RSU1: variants seen among roughly 807,000 people sequenced by gnomAD.
RSU1 encodes the protein rsu-1.
RSU1 carries 26 observed loss-of-function variants against 31.1 expected under a neutral mutation model. The observed-to-expected ratio is 0.84, with a 90% CI of 0.61 to 1.16. RSU1 has a LOEUF of 1.16. RSU1 is among the 50% of genes most tolerant of loss of function. The pLI, the probability that RSU1 is intolerant of heterozygous loss-of-function variation, is 0.00. For missense variants in RSU1, 320 were observed against 339.1 expected (o/e 0.94, Z 0.44); for synonymous variants, 164 against 136.3 (o/e 1.20, Z -1.41).
Position 16,799,306 on chromosome 10 carries a change from A to G in RSU1, c.110-17222T>C, listed in dbSNP as rs139161038. ...GAAGAAAGCTGAGCAAACAGAAAAC[A>G]AACAACTCTTCCATAGATTCATTAG... On this transcript the variant is annotated intron_variant, in intron 2 of 8. Coordinates refer to ENST00000345264, the MANE Select transcript of RSU1 (RefSeq NM_012425.4). Among the ~76,000 whole-genome samples, 261 of 152,366 alleles carry G rather than the reference A, an allele frequency of 1.7e-3. 2 individuals carry two copies. Among genetic ancestry groups the G allele is most frequent in the Admixed American group, 0.014 (211 of 15,308 alleles).
intron 8 of RSU1, among the ~76,000 whole-genome samples, chr10:16,651,820 ATAAC>A (rs1323622118): frequency 2.6e-5 from 4 of 152,242 alleles, no homozygotes; most frequent in African/African-American, 9.6e-5. Context: ...AAAATAACAA[ATAAC>A]TGACTTAAAA....
At chr10:16,597,452 T>G (rs1011414945) in intron 8 of RSU1, among the ~76,000 whole-genome samples, 6 of 152,146 alleles carry the variant, frequency 3.9e-5, no homozygotes, top group African/African-American at 1.2e-4. Context: ...CAAATCCTGC[T>G]TTTGACGTTT....
chr10:16,658,224 T>C (rs998875064), intron 8 of RSU1, among the ~76,000 whole-genome samples: 1 of 152,180 alleles, frequency 6.6e-6, no homozygotes, highest in East Asian at 1.9e-4. Flanking sequence ...GCAATAGAAA[T>C]AAAAGCAGAA....
intron 7 of RSU1, among the ~76,000 whole-genome samples, chr10:16,714,457 G>A (rs906249400): frequency 1.2e-4 from 18 of 152,334 alleles, no homozygotes; most frequent in East Asian, 3.9e-4. Flanking sequence ...ATGCGGGAAC[G>A]AGGCTGCCAC....
At chr10:16,783,121 G>A (rs1444696826) in intron 2 of RSU1, among the ~76,000 whole-genome samples, 2 of 151,890 alleles carry the variant, frequency 1.3e-5, no homozygotes, top group Admixed American at 1.3e-4. Context: ...ATTTTGCCCA[G>A]GGTGGTCTCA....
intron 2 of RSU1, among the ~76,000 whole-genome samples, chr10:16,814,614 G>C (rs1838488231): frequency 1.3e-5 from 2 of 152,140 alleles, no homozygotes; most frequent in African/African-American, 4.8e-5. Context: ...AACCCCCTAG[G>C]CTCCGAGAAG....
At chr10:16,635,273 A>G (rs1187831702) in intron 8 of RSU1, among the ~76,000 whole-genome samples, 2 of 152,216 alleles carry the variant, frequency 1.3e-5, no homozygotes, top group African/African-American at 4.8e-5. Flanking sequence ...CTCTTGAATT[A>G]TCATCTTTCT....
At chr10:16,676,344 T>C (rs7478532) in intron 8 of RSU1, among the ~76,000 whole-genome samples, 55,745 of 152,038 alleles carry the variant, frequency 0.37, 10,396 homozygotes, top group Middle Eastern at 0.42. Context: ...TCTTACATGG[T>C]GGCAGGCAAG....
chr10:16,664,495 G>A (rs1310386727), intron 8 of RSU1, among the ~76,000 whole-genome samples: 1 of 152,180 alleles, frequency 6.6e-6, no homozygotes, highest in Non-Finnish European at 1.5e-5. Context: ...CTGCATCTAA[G>A]ACAACATTGA....
At chr10:16,723,501 C>T (rs750480973) in intron 7 of RSU1, among the ~76,000 whole-genome samples, 8 of 152,128 alleles carry the variant, frequency 5.3e-5, no homozygotes, top group Non-Finnish European at 1.0e-4. Flanking sequence ...TGGCAGATTC[C>T]AGATGCTTTT....
At chr10:16,810,516 C>T (rs11254214) in intron 2 of RSU1, among the ~76,000 whole-genome samples, 3,964 of 152,178 alleles carry the variant, frequency 0.026, 60 homozygotes, top group Non-Finnish European at 0.038. Flanking sequence ...TGTGTGGCAA[C>T]GGCTGTTCCT....
intron 2 of RSU1, among the ~76,000 whole-genome samples, chr10:16,804,914 C>T (rs548312488): frequency 1.3e-5 from 2 of 152,252 alleles, no homozygotes; most frequent in East Asian, 3.9e-4. Context: ...GAATACATTA[C>T]ATTAATTTGC....
chr10:16,695,158 G>GGGGC lies in RSU1; in HGVS notation c.599-4_599-3insGCCC, dbSNP rs1554767084. 8.3e-6 allele frequency: 7 copies of GGGGC among 847,792 alleles called. No individual in the cohort carries two copies. The highest frequency in any genetic ancestry group is 5.2e-5 in the East Asian group (1 of 19,056). 52.5% of individuals were successfully genotyped at this position (847,792 alleles called of 1,614,324 possible). ...CTGGCCAGTTAAATCCAAGTTTCCTGGGGGGGGGGAAAAAAAAAGTGAAGG... is the reference window on the plus strand; with the variant it reads ...CTGGCCAGTTAAATCCAAGTTTCCTGGGGCGGGGGGGGGAAAAAAAAAGTGAAGG... On this transcript the variant is annotated splice_polypyrimidine_tract_variant and splice_region_variant and intron_variant, in intron 7 of 8. Transcript: ENST00000345264.
intron 2 of RSU1, among the ~76,000 whole-genome samples, chr10:16,787,068 G>A (rs1837806116): frequency 6.6e-6 from 1 of 152,144 alleles, no homozygotes; most frequent in African/African-American, 2.4e-5. Context: ...AGTGCTTGAT[G>A]TTTCTGCCCA....
chr10:16,617,205 A>G (rs1833992782), intron 8 of RSU1, among the ~76,000 whole-genome samples: 1 of 152,240 alleles, frequency 6.6e-6, no homozygotes, highest in Non-Finnish European at 1.5e-5. Flanking sequence ...ATAAGCAGAG[A>G]GTGAAATCAT....
intron 8 of RSU1, among the ~76,000 whole-genome samples, chr10:16,650,933 T>A (rs1380140831): frequency 6.6e-6 from 1 of 152,168 alleles, no homozygotes; most frequent in African/African-American, 2.4e-5. Flanking sequence ...TTTTTCATAA[T>A]GTATATTTCA....
intron 2 of RSU1, among the ~76,000 whole-genome samples, chr10:16,782,609 G>T (rs1013822032): frequency 2.6e-5 from 4 of 152,184 alleles, no homozygotes; most frequent in African/African-American, 9.7e-5. Context: ...CAGATGATCA[G>T]AGTTGAAACC....
At chr10:16,807,022 CGCTGGGATTACAGCAGGCATGAGTCAG>C (rs1184459541) in intron 2 of RSU1, among the ~76,000 whole-genome samples, 10 of 152,000 alleles carry the variant, frequency 6.6e-5, no homozygotes, top group Admixed American at 1.3e-4. Flanking sequence ...CCTCCGGAAG[CGCTGGGATTACAGCAGGCATGAGTCAG>C]GCTGGGATTA....
chr10:16,764,585 T>C, intron 3 of RSU1, 75 bp from the exon 4 acceptor site: 3 of 1,469,788 alleles, frequency 2.0e-6, no homozygotes, highest in Non-Finnish European at 2.8e-6. Context: ...CACATTTTGT[T>C]TTTCTTTCAA....
Sources: allele counts gnomAD v4.1 joint callset (sites outside exome capture counted in the v4.1 genomes callset), GRCh38; gene constraint gnomAD v4.1.1; transcripts MANE v1.5; gene names NCBI Gene and HGNC (gene_info 2026-07-23, HGNC 2026-07-21).